CLEC4A: variants seen among roughly 807,000 people sequenced by gnomAD.
The protein encoded by CLEC4A is C-type lectin domain family 4 member A.
CLEC4A carries 27 observed loss-of-function variants against 32.7 expected under a neutral mutation model. The ratio of observed to expected loss-of-function variants is 0.83; its 90% CI spans 0.61 to 1.14. CLEC4A has a LOEUF of 1.14. CLEC4A is among the 50% of genes most tolerant of loss of function. The pLI, the probability that CLEC4A is intolerant of heterozygous loss-of-function variation, is 0.00. For missense variants in CLEC4A, 253 were observed against 274.6 expected, an observed-to-expected ratio of 0.92 and a Z score of 0.55; for synonymous variants, 89 against 93.7, an observed-to-expected ratio of 0.95 and a Z score of 0.29.
chr12:8,122,476 G>A (rs755121611), upstream of CLEC4A, among the ~76,000 whole-genome samples: 24 of 151,682 alleles, frequency 1.6e-4, no homozygotes, highest in Non-Finnish European at 3.1e-4. Flanking sequence ...TCATGGGGGT[G>A]GGGAGTGGGC....
At chr12:8,135,019 T>G (rs1200557471) in intron 3 of CLEC4A, among the ~76,000 whole-genome samples, 1 of 105,248 alleles carries the variant, frequency 9.5e-6, no homozygotes, top group African/African-American at 3.6e-5. Context: ...TTTAAATCTT[T>G]GTCAGATAAT....
chr12:8,125,679 T>G lies in CLEC4A; in HGVS notation c.199+2T>G. The G allele has an allele frequency of 6.5e-7, 1 of 1,544,788 alleles. No homozygotes were observed. Among genetic ancestry groups the G allele is most frequent in the Non-Finnish European group, 9.0e-7 (1 of 1,116,878 alleles). On this transcript the variant is annotated splice_donor_variant, in intron 2 of 5. Coordinates refer to ENST00000229332, the MANE Select transcript of CLEC4A (RefSeq NM_016184.4). LOFTEE classifies it high-confidence loss of function. The stretch of plus-strand genomic sequence containing the variant: ...TCTCATTCTTTATTGCTTTTGTCAG[T>G]AAGTATGCCAACTGAACCAATAAGC...
chr12:8,121,275 A>C (rs1565401649), upstream of CLEC4A: 1 of 152,222 alleles, frequency 6.6e-6, no homozygotes, highest in Non-Finnish European at 1.5e-5. Context: ...TCTGAGAATC[A>C]ATGATTGTTA....
chr12:8,113,151 G>A, the CLEC4A span, among the ~76,000 whole-genome samples: 1 of 125,106 alleles, frequency 8.0e-6, no homozygotes, highest in African/African-American at 3.2e-5. Flanking sequence ...AGTGTGTGAT[G>A]TTCCCCTTTC....
chr12:8,138,156 G>T lies in CLEC4A; in HGVS notation c.583G>T (p.Glu195Ter). 6.2e-7 allele frequency: 1 copy of T among 1,613,900 alleles called. No homozygotes were observed. The highest frequency in any genetic ancestry group is 8.5e-7 in the Non-Finnish European group (1 of 1,179,928). Residue 195 changes from glutamate (E) to a stop codon, truncating the protein, a stop_gained, in exon 6 of 6, where the codon GAG becomes TAG. Coordinates refer to ENST00000229332, the MANE Select transcript of CLEC4A (RefSeq NM_016184.4). LOFTEE classifies it high-confidence loss of function. ...NESSTFWHPR[E>*]PSDPNERCVV... The stretch of plus-strand genomic sequence containing the variant: ...CGCTTTCAGATTCTGGCATCCACGT[G>T]AGCCCAGTGATCCCAATGAGCGCTG...
intron 1 of CLEC4A, among the ~76,000 whole-genome samples, chr12:8,125,198 A>G (rs1591606376): frequency 1.0e-5 from 1 of 98,696 alleles, no homozygotes; most frequent in East Asian, 2.7e-4. Context: ...GATATAGTGT[A>G]AAGGAAAATA....
chr12:8,114,553 A>C, the CLEC4A span, among the ~76,000 whole-genome samples: 2 of 152,070 alleles, frequency 1.3e-5, no homozygotes, highest in African/African-American at 4.8e-5. Context: ...CAATTCCTTT[A>C]TTTCTGATGG....
chr12:8,130,685 G>T (rs1031462008), intron 3 of CLEC4A, among the ~76,000 whole-genome samples: 1 of 152,036 alleles, frequency 6.6e-6, no homozygotes, highest in Non-Finnish European at 1.5e-5. Flanking sequence ...CGGCCAATAG[G>T]TTATTTTTAA....
intron 3 of CLEC4A, among the ~76,000 whole-genome samples, chr12:8,135,124 G>A (rs1357620867): frequency 2.5e-5 from 3 of 120,536 alleles, no homozygotes; most frequent in African/African-American, 6.1e-5. Context: ...GGGATCAAGC[G>A]ATTCTTCTGC....
chr12:8,110,691 T>A, the CLEC4A span, among the ~76,000 whole-genome samples: 2 of 152,178 alleles, frequency 1.3e-5, no homozygotes, highest in African/African-American at 4.8e-5. Flanking sequence ...ATCAGGTTTT[T>A]AAATTAGGAA....
At position 8,135,661 on chromosome 12, in the gene CLEC4A, A is replaced by G. The variant is rs1948102333; in HGVS notation, c.375A>G (p.Ala125=). Residue 125 remains alanine, a synonymous_variant, in exon 4 of 6, where the codon GCA becomes GCG. Coordinates refer to ENST00000229332, the MANE Select transcript of CLEC4A (RefSeq NM_016184.4). ...SNCYFISTES[A]SWQDSEKDCA... is the part of the protein sequence containing the mutation. ...GCTACTTTATTTCTACTGAATCAGC[A>G]TCTTGGCAAGACAGTGAGAAGGACT... The G allele has an allele frequency of 1.9e-6, 3 of 1,614,240 alleles. No homozygotes were observed. The East Asian group carries it at 6.7e-5, about 36-fold the overall frequency.
chr12:8,112,585 T>C, the CLEC4A span, among the ~76,000 whole-genome samples: 1 of 152,218 alleles, frequency 6.6e-6, no homozygotes, highest in Non-Finnish European at 1.5e-5. Flanking sequence ...TTACTATCTT[T>C]TTTTTTCATG....
At chr12:8,133,919 A>G (rs1406039300) in intron 3 of CLEC4A, 5 of 1,603,450 alleles carry the variant, frequency 3.1e-6, no homozygotes, top group African/African-American at 1.3e-5. Context: ...GGCCAGAGGA[A>G]AGGACACTGG....
chr12:8,112,428 A>C, the CLEC4A span, among the ~76,000 whole-genome samples: 1 of 152,178 alleles, frequency 6.6e-6, no homozygotes, highest in Admixed American at 6.5e-5. Flanking sequence ...TCTTCTGCCT[A>C]ATTCATATAC....
chr12:8,106,102 A>G, the CLEC4A span, among the ~76,000 whole-genome samples: 2 of 152,162 alleles, frequency 1.3e-5, no homozygotes, highest in Non-Finnish European at 2.9e-5. Context: ...AATCTTCTGC[A>G]TATCGCTAGC....
the CLEC4A span, among the ~76,000 whole-genome samples, chr12:8,108,397 C>T: frequency 6.6e-6 from 1 of 152,164 alleles, no homozygotes; most frequent in South Asian, 2.1e-4. Context: ...TTGCATTGCA[C>T]TTTGCTCATG....
At chr12:8,105,616 C>G in the CLEC4A span, among the ~76,000 whole-genome samples, 1 of 152,112 alleles carries the variant, frequency 6.6e-6, no homozygotes, top group African/African-American at 2.4e-5. Flanking sequence ...TCCCAAAGTA[C>G]TGGGATTACA....
At position 8,138,281 on chromosome 12, in the gene CLEC4A, C is replaced by G. The variant is rs751639808; in HGVS notation, c.708C>G (p.His236Gln). Reference sequence around the variant, plus strand: ...CAGTTTGTGAGATGATGAAGATCCACTTATGAACTGAACATTCTCCATGAA... The same window carrying G: ...CAGTTTGTGAGATGATGAAGATCCAGTTATGAACTGAACATTCTCCATGAA... ...QRSVCEMMKIHL is the reference protein window; with the variant it reads ...QRSVCEMMKIQL Residue 236 changes from histidine to glutamine, a missense_variant, in exon 6 of 6, where the codon CAC becomes CAG. His to Gln is a conservative substitution (Grantham distance 24). Transcript: ENST00000229332. 7 of 1,614,076 alleles carry G rather than the reference C, an allele frequency of 4.3e-6. No homozygotes were observed. The highest frequency in any genetic ancestry group is 5.9e-6 in the Non-Finnish European group (7 of 1,180,000).
At chr12:8,103,871 G>A in the CLEC4A span, among the ~76,000 whole-genome samples, 1 of 152,102 alleles carries the variant, frequency 6.6e-6, no homozygotes, top group Non-Finnish European at 1.5e-5. Context: ...TTTATTTGAG[G>A]GGGCAAGGGG....
Sources: gnomAD v4.1 joint callset for allele counts (sites outside exome capture counted in the v4.1 genomes callset) on GRCh38, gnomAD v4.1.1 for gene constraint, MANE v1.5 for transcripts, NCBI Gene and HGNC (gene_info 2026-07-23, HGNC 2026-07-21) for gene names.